FOXO1: variants seen among roughly 807,000 people sequenced by gnomAD.
FOXO1 encodes forkhead box O1, also known as forkhead box protein O1.
A neutral mutation model predicts 44.1 loss-of-function variants in FOXO1; 6 were observed. The observed-to-expected ratio is 0.14, with a 90% CI of 0.07 to 0.27. The LOEUF is 0.27. Among genes scored for constraint, FOXO1 ranks in the 10% least tolerant of loss-of-function variants. The probability of loss-of-function intolerance (pLI) is 1.00; values close to 1 mark genes in which losing one functional copy is unlikely to be tolerated. For synonymous variants in FOXO1, 380 were observed against 362.7 expected, an observed-to-expected ratio of 1.05 and a Z score of -0.54; for missense variants, 737 against 888.8, an observed-to-expected ratio of 0.83 and a Z score of 2.17.
rs1368861222 is a variant in FOXO1 at position 40,665,920 on chromosome 13, G to GCCGCCGCCGCCA, written c.281_292dup (p.Val94_Ala97dup). The GCCGCCGCCGCCA allele has an allele frequency of 9.2e-6, 11 of 1,198,774 alleles. No individual in the cohort carries two copies. The highest frequency in any genetic ancestry group is 8.3e-5 in the South Asian group (2 of 24,206). The allele number at this position is 1,198,774 out of a possible 1,614,324, so 74.3% of individuals were successfully genotyped here. A position where few individuals can be genotyped will look rare whatever the true frequency, so the allele number is the denominator to read the frequency against. ...CAGCCCCCCGGTGGCGGCCGCGGCG[G>GCCGCCGCCGCCA]CCGCCGCCGCCACCGCCGCCGCCAC... On this transcript the variant is annotated inframe_insertion, in exon 1 of 3. Coordinates refer to ENST00000379561, the MANE Select transcript of FOXO1 (RefSeq NM_002015.4).
chr13:40,600,874 A>C (rs1875792856), intron 1 of FOXO1, among the ~76,000 whole-genome samples: 2 of 152,206 alleles, frequency 1.3e-5, no homozygotes, highest in Non-Finnish European at 2.9e-5. Context: ...TAGACTTCCT[A>C]ATCATCATAA....
At chr13:40,648,066 AG>A (rs1877566070) in intron 1 of FOXO1, among the ~76,000 whole-genome samples, 1 of 152,196 alleles carries the variant, frequency 6.6e-6, no homozygotes, top group South Asian at 2.1e-4. Flanking sequence ...CCAGTGCATA[AG>A]AAAATACAAT....
At chr13:40,646,683 T>TCC (rs1877521717) in intron 1 of FOXO1, among the ~76,000 whole-genome samples, 2 of 152,164 alleles carry the variant, frequency 1.3e-5, no homozygotes, top group Non-Finnish European at 2.9e-5. Flanking sequence ...AACCACCGCC[T>TCC]CCCGGGTTAA....
chr13:40,595,002 T>C (rs1026704370), intron 1 of FOXO1, among the ~76,000 whole-genome samples: 1 of 152,220 alleles, frequency 6.6e-6, no homozygotes, highest in Admixed American at 6.5e-5. Flanking sequence ...AGACTTTATA[T>C]ATGCTTATTT....
At chr13:40,656,105 A>G (rs1423639343) in intron 1 of FOXO1, among the ~76,000 whole-genome samples, 1 of 152,182 alleles carries the variant, frequency 6.6e-6, no homozygotes, top group Admixed American at 6.5e-5. Flanking sequence ...ATTCAGTCCT[A>G]TTGGACTGTA....
At chr13:40,617,188 G>A (rs1019727325) in intron 1 of FOXO1, among the ~76,000 whole-genome samples, 1 of 152,250 alleles carries the variant, frequency 6.6e-6, no homozygotes, top group African/African-American at 2.4e-5. Context: ...GCTCACGCCT[G>A]TAATCCCAGC....
chr13:40,603,839 C>CAAA (rs1246301412), intron 1 of FOXO1, among the ~76,000 whole-genome samples: 1 of 152,150 alleles, frequency 6.6e-6, no homozygotes, highest in Admixed American at 6.5e-5. Flanking sequence ...CTTAGGAAAA[C>CAAA]AATTACTACT....
chr13:40,577,147 CT>C (rs1388772209), intron 1 of FOXO1, among the ~76,000 whole-genome samples: 8 of 150,008 alleles, frequency 5.3e-5, no homozygotes, highest in African/African-American at 2.0e-4. Context: ...TGGCATCAGA[CT>C]CCCCCCACCC....
intron 1 of FOXO1, among the ~76,000 whole-genome samples, chr13:40,624,675 A>G (rs1353461803): frequency 6.6e-6 from 1 of 152,220 alleles, no homozygotes; most frequent in African/African-American, 2.4e-5. Flanking sequence ...AAGTTTATCA[A>G]GTCCACTCAA....
At chr13:40,580,714 G>A (rs890830346) in intron 1 of FOXO1, among the ~76,000 whole-genome samples, 3 of 152,100 alleles carry the variant, frequency 2.0e-5, no homozygotes, top group African/African-American at 7.2e-5. Flanking sequence ...ACCCAGTGCT[G>A]GCATGTTCCT....
chr13:40,651,797 C>G (rs1029243644), intron 1 of FOXO1, among the ~76,000 whole-genome samples: 1 of 151,932 alleles, frequency 6.6e-6, no homozygotes, highest in African/African-American at 2.4e-5. Context: ...ACAAATTCAA[C>G]AAACTGCTCC....
intron 1 of FOXO1, among the ~76,000 whole-genome samples, chr13:40,618,152 C>A (rs1169468879): frequency 1.3e-5 from 2 of 152,154 alleles, no homozygotes; most frequent in African/African-American, 4.8e-5. Context: ...AATCTCAGCT[C>A]ACTGCAACCC....
At chr13:40,646,838 C>G (rs573340336) in intron 1 of FOXO1, among the ~76,000 whole-genome samples, 17 of 152,280 alleles carry the variant, frequency 1.1e-4, no homozygotes, top group African/African-American at 4.1e-4. Context: ...AAGTGATCCA[C>G]CTGCCTCAGC....
intron 1 of FOXO1, among the ~76,000 whole-genome samples, chr13:40,664,582 T>C (rs1402023495): frequency 1.3e-5 from 2 of 151,960 alleles, no homozygotes; most frequent in Non-Finnish European, 2.9e-5. Flanking sequence ...CCCCCCCGCC[T>C]GGTCCTCCAT....
chr13:40,559,982 G>T lies in FOXO1; in HGVS notation c.1509C>A (p.Val503=). 6.2e-7 allele frequency: 1 copy of T among 1,614,152 alleles called. No homozygotes were observed. Among genetic ancestry groups the T allele is most frequent in the South Asian group, 1.1e-5 (1 of 91,052 alleles). The change falls in exon 2 of 3, where the codon GTC becomes GTA. Residue 503 remains valine, a synonymous_variant. Coordinates refer to ENST00000379561, the MANE Select transcript of FOXO1 (RefSeq NM_002015.4). Reference sequence around the variant, plus strand: ...ATGCCTGGCTGCCATAGGTTGACATGACCGAATTAGGGCCCATCATGACGT... The same window carrying T: ...ATGCCTGGCTGCCATAGGTTGACATTACCGAATTAGGGCCCATCATGACGT... ...GQNVMMGPNS[V]MSTYGSQASH... is the part of the protein sequence containing the mutation.
intron 1 of FOXO1, among the ~76,000 whole-genome samples, chr13:40,622,542 T>C (rs770148726): frequency 3.3e-5 from 5 of 151,904 alleles, no homozygotes; most frequent in Non-Finnish European, 5.9e-5. Flanking sequence ...ACTGAAGGAG[T>C]TTCTTTTCTA....
At chr13:40,597,236 A>C (rs1875615808) in intron 1 of FOXO1, among the ~76,000 whole-genome samples, 1 of 152,198 alleles carries the variant, frequency 6.6e-6, no homozygotes, top group African/African-American at 2.4e-5. Context: ...TAACCCCAGA[A>C]TGTATTAGGA....
chr13:40,616,278 A>T (rs937511522), intron 1 of FOXO1, among the ~76,000 whole-genome samples: 1 of 152,138 alleles, frequency 6.6e-6, no homozygotes, highest in Admixed American at 6.5e-5. Flanking sequence ...TTCTTTTTAA[A>T]TGAAAAAAAA....
intron 1 of FOXO1, among the ~76,000 whole-genome samples, chr13:40,569,402 C>T (rs980702381): frequency 6.6e-6 from 1 of 152,208 alleles, no homozygotes; most frequent in African/African-American, 2.4e-5. Context: ...TTGCCTGGTG[C>T]ATCACCTGAC....
Sources: allele counts gnomAD v4.1 joint callset (sites outside exome capture counted in the v4.1 genomes callset), GRCh38; gene constraint gnomAD v4.1.1; transcripts MANE v1.5; gene names NCBI Gene and HGNC (gene_info 2026-07-23, HGNC 2026-07-21).